The following PDZD2 variants were observed in gnomAD, a reference collection of about 807,000 sequenced individuals.
The protein encoded by PDZD2 is PDZ domain containing 2, also known as PDZ domain-containing protein 2.
In PDZD2, 90 loss-of-function variants were observed where a neutral mutation model predicts 220.7. The ratio of observed to expected loss-of-function variants is 0.41; its 90% confidence interval spans 0.34 to 0.49. The LOEUF is 0.49. PDZD2 is among the 20% of genes least tolerant of loss of function. The pLI, the probability that PDZD2 is intolerant of heterozygous loss-of-function variation, is 0.28. For missense variants in PDZD2, 3,174 were observed against 3,608.5 expected, an observed-to-expected ratio of 0.88 and a Z score of 3.08; for synonymous variants, 1,375 against 1,450.5, an observed-to-expected ratio of 0.95 and a Z score of 1.18.
chr5:31,988,720 C>T (rs748887695), intron 3 of PDZD2, among the ~76,000 whole-genome samples: 2 of 152,176 alleles, frequency 1.3e-5, no homozygotes, highest in Non-Finnish European at 2.9e-5. Context: ...TTCTTATTCC[C>T]TGATTTGGAG....
chr5:31,868,065 C>T (rs1470054255), intron 2 of PDZD2, among the ~76,000 whole-genome samples: 1 of 152,140 alleles, frequency 6.6e-6, no homozygotes, highest in Admixed American at 6.6e-5. Flanking sequence ...TTGACATACC[C>T]TGTGTTGCAT....
chr5:31,722,189 C>G (rs1748849145), intron 1 of PDZD2, among the ~76,000 whole-genome samples: 1 of 152,212 alleles, frequency 6.6e-6, no homozygotes, highest in Non-Finnish European at 1.5e-5. Context: ...ATAAAACTTT[C>G]CAGTGCTGGT....
rs112850910 is a variant in PDZD2, at chr5:31,652,860, A to G, written c.-361+13423A>G. ...ACCCCACTTCTGCTAAAAATACAGA[A>G]AAGTAGCTGGGCATGGTGGTACACG... is the stretch of plus-strand genomic sequence containing the variant. On this transcript the variant is annotated intron_variant, in intron 1 of 24. Coordinates refer to ENST00000438447, the MANE Select transcript of PDZD2 (RefSeq NM_178140.4). Among the ~76,000 whole-genome samples, 1,282 of 152,204 alleles carry G rather than the reference A, an allele frequency of 8.4e-3. 17 individuals carry two copies. Among genetic ancestry groups the G allele is most frequent in the African/African-American group, 0.029 (1,199 of 41,506 alleles).
chr5:31,649,115 C>T (rs771803891), intron 1 of PDZD2, among the ~76,000 whole-genome samples: 11 of 151,896 alleles, frequency 7.2e-5, no homozygotes, highest in Non-Finnish European at 1.5e-4. Context: ...TGGGCCCAAG[C>T]GGTCCACCCG....
At chr5:31,766,538 T>C (rs1752023554) in intron 1 of PDZD2, among the ~76,000 whole-genome samples, 1 of 151,944 alleles carries the variant, frequency 6.6e-6, no homozygotes, top group Admixed American at 6.6e-5. Flanking sequence ...TACAAGTGTA[T>C]GCCACCATCC....
chr5:31,652,130 C>G (rs1477719327), intron 1 of PDZD2, among the ~76,000 whole-genome samples: 1 of 136,496 alleles, frequency 7.3e-6, no homozygotes, highest in Non-Finnish European at 1.6e-5. Context: ...TGCGTCTGGC[C>G]TGGGTTTTTT....
chr5:31,745,553 C>A (rs1340231661), intron 1 of PDZD2, among the ~76,000 whole-genome samples: 25 of 152,330 alleles, frequency 1.6e-4, no homozygotes, highest in African/African-American at 5.5e-4. Flanking sequence ...AAATCACCTT[C>A]GCTCATGCTT....
At chr5:31,664,254 C>T (rs1745892354) in intron 1 of PDZD2, among the ~76,000 whole-genome samples, 1 of 152,122 alleles carries the variant, frequency 6.6e-6, no homozygotes, top group Non-Finnish European at 1.5e-5. Context: ...CCTCCCACCT[C>T]AGCCTCCTGA....
chr5:32,103,172 G>GA (rs1401794132), intron 24 of PDZD2, among the ~76,000 whole-genome samples: 2 of 152,072 alleles, frequency 1.3e-5, no homozygotes, highest in African/African-American at 4.8e-5. Flanking sequence ...TTCCAGAAGT[G>GA]AAAAAATGAC....
chr5:31,961,941 C>T (rs1286672514), intron 2 of PDZD2, among the ~76,000 whole-genome samples: 1 of 152,136 alleles, frequency 6.6e-6, no homozygotes, highest in Non-Finnish European at 1.5e-5. Context: ...TACCCTTTCC[C>T]TCCCACCTTC....
chr5:31,835,234 T>C (rs1756875689), intron 2 of PDZD2, among the ~76,000 whole-genome samples: 1 of 152,202 alleles, frequency 6.6e-6, no homozygotes, highest in Admixed American at 6.5e-5. Flanking sequence ...GTGGGCATCA[T>C]TGAGATGAGA....
At chr5:31,959,722 T>C (rs1023432632) in intron 2 of PDZD2, among the ~76,000 whole-genome samples, 5 of 152,192 alleles carry the variant, frequency 3.3e-5, no homozygotes, top group Non-Finnish European at 5.9e-5. Context: ...GTTACCTTTC[T>C]AGGACAGCCA....
intron 1 of PDZD2, among the ~76,000 whole-genome samples, chr5:31,681,428 A>G (rs925995899): frequency 1.3e-5 from 2 of 152,058 alleles, no homozygotes; most frequent in Non-Finnish European, 2.9e-5. Flanking sequence ...TTGTATTTTT[A>G]GTAGAGACGA....
At chr5:31,790,222 C>T (rs1580760610) in intron 1 of PDZD2, among the ~76,000 whole-genome samples, 1 of 151,990 alleles carries the variant, frequency 6.6e-6, no homozygotes, top group Admixed American at 6.5e-5. Context: ...CTCAGCCTCC[C>T]GAGTAGCTAG....
chr5:31,806,938 T>TTTG (rs964768945), intron 2 of PDZD2, among the ~76,000 whole-genome samples: 6 of 151,104 alleles, frequency 4.0e-5, no homozygotes, highest in African/African-American at 1.5e-4. Flanking sequence ...TTTGTTTTTT[T>TTTG]TTTTTTTTTT....
intron 15 of PDZD2, 46 bp downstream of exon 15, chr5:32,069,696 A>C (rs777468170): frequency 3.8e-5 from 38 of 989,674 alleles, no homozygotes; most frequent in Non-Finnish European, 3.6e-5. Flanking sequence ...AGAGTTTCTC[A>C]TTAAGTTCAC....
intron 3 of PDZD2, among the ~76,000 whole-genome samples, chr5:31,989,736 C>T (rs1434152548): frequency 6.6e-6 from 1 of 152,102 alleles, no homozygotes; most frequent in Non-Finnish European, 1.5e-5. Flanking sequence ...GTGTATACCA[C>T]ATTTTCTTTA....
At chr5:32,070,210 T>G (rs1231516351) in intron 15 of PDZD2, among the ~76,000 whole-genome samples, 3 of 152,212 alleles carry the variant, frequency 2.0e-5, no homozygotes, top group African/African-American at 7.2e-5. Flanking sequence ...AAAGGGACTC[T>G]TCACACATTT....
chr5:31,838,083 T>C (rs1203508297), intron 2 of PDZD2, among the ~76,000 whole-genome samples: 1 of 152,294 alleles, frequency 6.6e-6, no homozygotes, highest in African/African-American at 2.4e-5. Flanking sequence ...GTTTATACTT[T>C]ATGGACCCCA....
Sources: gnomAD v4.1 joint callset for allele counts (sites outside exome capture counted in the v4.1 genomes callset) on GRCh38, gnomAD v4.1.1 for gene constraint, MANE v1.5 for transcripts, NCBI Gene and HGNC (gene_info 2026-07-23, HGNC 2026-07-21) for gene names.